ELMO1: variants seen among roughly 807,000 people sequenced by gnomAD.
The protein encoded by ELMO1 is engulfment and cell motility protein 1.
In ELMO1, 26 loss-of-function variants were observed where a neutral mutation model predicts 98.9. The ratio of observed to expected loss-of-function variants is 0.26; its 90% CI spans 0.19 to 0.36. ELMO1 has a LOEUF of 0.36. Among genes scored for constraint, ELMO1 ranks in the 10% least tolerant of loss-of-function variants. ELMO1 has a pLI of 1.00. For synonymous variants in ELMO1, 346 were observed against 346.0 expected (o/e 1.00, Z 0.00); for missense variants, 627 against 935.2 (o/e 0.67, Z 4.30).
chr7:36,916,897 A>C (rs577622050), intron 16 of ELMO1, among the ~76,000 whole-genome samples: 19 of 152,370 alleles, frequency 1.2e-4, no homozygotes, highest in African/African-American at 4.3e-4. Flanking sequence ...ATTGGAGTGA[A>C]ATGGCTCAAT....
chr7:37,097,981 A>T (rs1784447437), intron 14 of ELMO1, among the ~76,000 whole-genome samples: 1 of 152,226 alleles, frequency 6.6e-6, no homozygotes, highest in African/African-American at 2.4e-5. Flanking sequence ...TAAGGGAATT[A>T]CTCTACACAT....
At chr7:37,160,392 G>A (rs536406185) in intron 13 of ELMO1, among the ~76,000 whole-genome samples, 1 of 152,174 alleles carries the variant, frequency 6.6e-6, no homozygotes, top group African/African-American at 2.4e-5. Context: ...TATATGCACA[G>A]TCTTTGTAAA....
chr7:37,244,819 T>C (rs543425244), intron 6 of ELMO1, among the ~76,000 whole-genome samples: 4 of 152,316 alleles, frequency 2.6e-5, no homozygotes, highest in African/African-American at 9.6e-5. Context: ...CTAATTTTAC[T>C]TTCTCTTTTC....
intron 13 of ELMO1, among the ~76,000 whole-genome samples, chr7:37,135,100 C>A (rs1787181666): frequency 6.6e-6 from 1 of 152,206 alleles, no homozygotes; most frequent in African/African-American, 2.4e-5. Context: ...GAAGGCCGGG[C>A]TGATCTGAAC....
intron 13 of ELMO1, among the ~76,000 whole-genome samples, chr7:37,182,886 G>A (rs1233325116): frequency 6.6e-6 from 1 of 152,128 alleles, no homozygotes; most frequent in African/African-American, 2.4e-5. Flanking sequence ...GCCCTCATAG[G>A]TGGTAAGTAT....
chr7:37,419,242 A>C (rs575120791), intron 1 of ELMO1, among the ~76,000 whole-genome samples: 1 of 152,292 alleles, frequency 6.6e-6, no homozygotes, highest in East Asian at 1.9e-4. Context: ...TAAAAATCTA[A>C]ATAGAAGGCT....
chr7:36,999,886 A>G (rs897922069), intron 16 of ELMO1, among the ~76,000 whole-genome samples: 1 of 152,180 alleles, frequency 6.6e-6, no homozygotes. Flanking sequence ...TATCAGCCTA[A>G]AAGCTTTTAT....
intron 13 of ELMO1, among the ~76,000 whole-genome samples, chr7:37,163,340 T>TC (rs1324837635): frequency 2.5e-4 from 2 of 8,022 alleles, no homozygotes; most frequent in African/African-American, 3.0e-4. Flanking sequence ...CAGTGTTCTT[T>TC]TTTTTTTTTT....
At chr7:37,081,727 C>A (rs1159642246) in intron 15 of ELMO1, among the ~76,000 whole-genome samples, 2 of 152,186 alleles carry the variant, frequency 1.3e-5, no homozygotes, top group Non-Finnish European at 2.9e-5. Flanking sequence ...GTCCATTAAA[C>A]CTCTTTTTCT....
chr7:37,345,553 A>T (rs1053616970), intron 1 of ELMO1, among the ~76,000 whole-genome samples: 1 of 152,152 alleles, frequency 6.6e-6, no homozygotes, highest in African/African-American at 2.4e-5. Context: ...CTACTAAAAA[A>T]TACAAAAATT....
At chr7:37,136,814 T>A (rs939042599) in intron 13 of ELMO1, among the ~76,000 whole-genome samples, 1 of 150,228 alleles carries the variant, frequency 6.7e-6, no homozygotes, top group African/African-American at 2.4e-5. Context: ...AAAGCATAAA[T>A]CTCACAATAC....
chr7:37,349,091 A>T (rs760650482), intron 1 of ELMO1, among the ~76,000 whole-genome samples: 3 of 152,184 alleles, frequency 2.0e-5, no homozygotes, highest in African/African-American at 4.8e-5. Flanking sequence ...AGCCCAACAG[A>T]TGGGCCAGTG....
At chr7:37,057,307 A>G (rs1156238530) in intron 15 of ELMO1, among the ~76,000 whole-genome samples, 1 of 152,188 alleles carries the variant, frequency 6.6e-6, no homozygotes, top group Non-Finnish European at 1.5e-5. Flanking sequence ...CCATTTAGGA[A>G]TATGTCTAAC....
At chr7:36,883,482 T>A (rs747408903) in intron 18 of ELMO1, among the ~76,000 whole-genome samples, 4 of 151,854 alleles carry the variant, frequency 2.6e-5, no homozygotes, top group Admixed American at 6.6e-5. Flanking sequence ...TGGTGGGAGG[T>A]GACTGGATCA....
chr7:37,410,679 G>A (rs910491967), intron 1 of ELMO1, among the ~76,000 whole-genome samples: 2 of 152,112 alleles, frequency 1.3e-5, no homozygotes, highest in Non-Finnish European at 2.9e-5. Flanking sequence ...TTCAAACAAG[G>A]GAAAACTAAT....
At chr7:36,949,356 G>A (rs1584419569) in intron 16 of ELMO1, among the ~76,000 whole-genome samples, 3 of 151,962 alleles carry the variant, frequency 2.0e-5, no homozygotes, top group Admixed American at 2.0e-4. Context: ...TGATTTTCAC[G>A]GAGACTCACA....
intron 19 of ELMO1, among the ~76,000 whole-genome samples, chr7:36,877,091 A>C (rs1804044301): frequency 6.6e-6 from 1 of 152,164 alleles, no homozygotes. Flanking sequence ...GAGGAAGGTA[A>C]TCCAGATTTG....
At chr7:37,363,943 C>CT (rs1801798722) in intron 1 of ELMO1, among the ~76,000 whole-genome samples, 1 of 152,150 alleles carries the variant, frequency 6.6e-6, no homozygotes, top group South Asian at 2.1e-4. Flanking sequence ...TAGAAGGACT[C>CT]TAACCCCCCA....
intron 13 of ELMO1, among the ~76,000 whole-genome samples, chr7:37,200,740 T>A (rs1415543981): frequency 1.3e-5 from 2 of 151,574 alleles, no homozygotes; most frequent in African/African-American, 2.4e-5. Flanking sequence ...CCAAGGCGGG[T>A]GGGTCGCTTG....
Sources: allele counts gnomAD v4.1 joint callset (sites outside exome capture counted in the v4.1 genomes callset), GRCh38; gene constraint gnomAD v4.1.1; transcripts MANE v1.5; gene names NCBI Gene and HGNC (gene_info 2026-07-23, HGNC 2026-07-21).